The following ABR variants were observed in gnomAD, a reference collection of about 807,000 sequenced individuals.
ABR encodes ABR activator of RhoGEF and GTPase.
In ABR, 35 loss-of-function variants were observed where a neutral mutation model predicts 107.2. The ratio of observed to expected loss-of-function variants is 0.33; its 90% CI spans 0.25 to 0.43. The LOEUF is 0.43. Ranked by LOEUF, ABR falls within the 20% of genes least tolerant of loss-of-function variation. ABR has a pLI of 1.00. For missense variants in ABR, 815 were observed against 1,115.2 expected (o/e 0.73, Z 3.83); for synonymous variants, 498 against 462.0 (o/e 1.08, Z -1.00).
intron 16 of ABR, among the ~76,000 whole-genome samples, chr17:1,025,595 G>A (rs1389005498): frequency 2.6e-5 from 4 of 152,164 alleles, no homozygotes; most frequent in Non-Finnish European, 5.9e-5. Context: ...CACCTGCCTC[G>A]GGGTGTGGAC....
chr17:1,109,406 C>A (rs1393500888), intron 2 of ABR, among the ~76,000 whole-genome samples: 1 of 151,962 alleles, frequency 6.6e-6, no homozygotes, highest in African/African-American at 2.4e-5. Flanking sequence ...TCCCGGGCTC[C>A]GGGGCTCGGG....
intron 1 of ABR, among the ~76,000 whole-genome samples, chr17:1,138,394 C>T (rs146007959): frequency 2.7e-3 from 418 of 152,284 alleles, no homozygotes; most frequent in African/African-American, 9.2e-3. Flanking sequence ...GTGTTAGTTA[C>T]ACAAGCAGAC....
chr17:1,211,032 C>A (rs974052249), intron 1 of ABR, among the ~76,000 whole-genome samples: 2 of 152,226 alleles, frequency 1.3e-5, no homozygotes, highest in Non-Finnish European at 2.9e-5. Context: ...ATAATCCCAG[C>A]ACTTTGGGAG....
At chr17:1,153,765 G>GTCCAGGCACACCTGCGGGAGGGCTAGGGA (rs2040922712) in intron 1 of ABR, 3 of 102,036 alleles carry the variant, frequency 2.9e-5, no homozygotes, top group East Asian at 4.2e-4. Flanking sequence ...AGGGCTGGGG[G>GTCCAGGCACACCTGCGGGAGGGCTAGGGA]TCCAGGCACA....
intron 6 of ABR, chr17:1,079,014 G>C: frequency 6.8e-7 from 1 of 1,460,540 alleles, no homozygotes; most frequent in Non-Finnish European, 9.0e-7. Flanking sequence ...CAAGGGGGAG[G>C]GGAGGGAGGC....
Position 1,009,565 on chromosome 17 carries a change from A to C in ABR, c.2342+114T>G, listed in dbSNP as rs141039217. 1.2e-5 allele frequency: 10 copies of C among 830,348 alleles called. 1 individual carries two copies. The highest frequency in any genetic ancestry group is 7.2e-5 in the African/African-American group (4 of 55,556). The allele number at this position is 830,348 out of a possible 1,614,324, so 51.4% of individuals were successfully genotyped here. A position where few individuals can be genotyped will look rare whatever the true frequency, so the allele number is the denominator to read the frequency against. On this transcript the variant is annotated intron_variant, in intron 21 of 22. Transcript: ENST00000302538. ...GGACTGAGGAGGTGGGGTTGGGGCC[A>C]CTCCCCGTTACCTTTTCACGAGGAG...
Position 1,005,490 on chromosome 17 carries a change from C to T in ABR, c.*590G>A, listed in dbSNP as rs949165149. The T allele has an allele frequency of 5.3e-5, 13 of 244,872 alleles. No homozygotes were observed. In the East Asian group the frequency reaches 9.7e-4, roughly 18 times the overall value. 15.2% of individuals were successfully genotyped at this position (244,872 alleles called of 1,614,324 possible). A position where few individuals can be genotyped will look rare whatever the true frequency, so the allele number is the denominator to read the frequency against. ...GGCCGGCAGCGGCAAACGGCAGCAT[C>T]AAACAGACCACTGCTGCCGCGGCAA... On this transcript the variant is annotated 3_prime_UTR_variant, in exon 23 of 23. Coordinates refer to ENST00000302538, the MANE Select transcript of ABR (RefSeq NM_021962.5).
At chr17:1,102,917 C>G (rs933234039) in intron 2 of ABR, among the ~76,000 whole-genome samples, 1 of 152,092 alleles carries the variant, frequency 6.6e-6, no homozygotes, top group Non-Finnish European at 1.5e-5. Context: ...ACCATGTTGG[C>G]CAGGCTCGTC....
rs1421024806 is a variant in ABR at position 1,200,937 on chromosome 17, T to C, written c.838+27856A>G. ...AGAGACTGGGAGAAAGCCTTGGGGT[T>C]GGCCAGGGACACCCACCTGCCTCAG... On this transcript the variant is annotated intron_variant, in intron 1 of 22. Coordinates refer to the ABR transcript ENST00000574139. The surrounding 1 kb of genome is among the most constrained non-coding windows in gnomAD (Gnocchi z 4.1). Among the ~76,000 whole-genome samples the C allele has an allele frequency of 6.6e-6, 1 of 152,184 alleles. No homozygotes were observed. The highest frequency in any genetic ancestry group is 2.4e-5 in the African/African-American group (1 of 41,452).
chr17:1,105,734 G>A (rs1019573538), intron 2 of ABR, among the ~76,000 whole-genome samples: 33 of 152,122 alleles, frequency 2.2e-4, no homozygotes, highest in African/African-American at 7.0e-4. Context: ...TTAGCCCAAC[G>A]TGGTGGCATG....
chr17:1,139,453 C>T (rs1223701568), intron 1 of ABR, among the ~76,000 whole-genome samples: 2 of 152,126 alleles, frequency 1.3e-5, no homozygotes, highest in East Asian at 1.9e-4. Flanking sequence ...AGGGTTTCAC[C>T]GTGTTAGCCA....
chr17:1,029,219 T>G (rs774072571), intron 16 of ABR, among the ~76,000 whole-genome samples: 1 of 150,900 alleles, frequency 6.6e-6, no homozygotes, highest in Non-Finnish European at 1.5e-5. Flanking sequence ...AGCTAAACAC[T>G]CGCACAAAAA....
upstream of ABR, among the ~76,000 whole-genome samples, chr17:1,191,102 G>T (rs895373535): frequency 6.6e-6 from 1 of 152,176 alleles, no homozygotes; most frequent in Admixed American, 6.5e-5. Context: ...TCTGCTGGGG[G>T]CCTGTGCCCA....
intron 13 of ABR, among the ~76,000 whole-genome samples, chr17:1,056,724 T>C (rs1474550214): frequency 6.6e-6 from 1 of 152,124 alleles, no homozygotes; most frequent in Non-Finnish European, 1.5e-5. Flanking sequence ...GGGTCTGCTC[T>C]CTCATGAATA....
At chr17:1,162,283 C>T (rs367625976) in intron 1 of ABR, among the ~76,000 whole-genome samples, 6 of 152,238 alleles carry the variant, frequency 3.9e-5, no homozygotes, top group African/African-American at 9.6e-5. Flanking sequence ...CCAGGACATA[C>T]GTGGGACAGG....
At chr17:1,072,914 C>G (rs1312421537) in intron 7 of ABR, among the ~76,000 whole-genome samples, 160 bp from the exon 8 acceptor site, 3 of 152,196 alleles carry the variant, frequency 2.0e-5, no homozygotes, top group African/African-American at 7.2e-5. Context: ...GGCACGGCGG[C>G]TCATGCCTGA....
chr17:1,004,798 C>T lies in ABR; in HGVS notation c.*1282G>A, dbSNP rs909951647. The T allele has an allele frequency of 1.9e-5, 7 of 374,086 alleles. No individual in the cohort carries two copies. Among genetic ancestry groups the T allele is most frequent in the African/African-American group, 1.2e-4 (6 of 48,208 alleles). The allele number at this position is 374,086 out of a possible 1,614,324, so 23.2% of individuals were successfully genotyped here. On this transcript the variant is annotated 3_prime_UTR_variant, in exon 23 of 23. Transcript: ENST00000302538. ...GAGTTCCCAGTGTTTACCCAAAAGG[C>T]TGTATCCAGAAGCTGGGGCGGCACC...
intron 6 of ABR, among the ~76,000 whole-genome samples, chr17:1,075,108 C>T (rs2151200944): frequency 6.6e-6 from 1 of 152,362 alleles, no homozygotes; most frequent in South Asian, 2.1e-4. Context: ...CCCTCCACAA[C>T]CCGGACACCA....
intron 16 of ABR, chr17:1,039,514 A>G (rs1412301514): frequency 3.9e-5 from 6 of 152,280 alleles, no homozygotes; most frequent in Admixed American, 2.6e-4. Context: ...CCACTCTCCA[A>G]GGAGAACCAG....
Sources: gnomAD v4.1 joint callset for allele counts (sites outside exome capture counted in the v4.1 genomes callset) on GRCh38, gnomAD v4.1.1 for gene constraint, Gnocchi (gnomAD v3.1) non-coding constraint, MANE v1.5 for transcripts, NCBI Gene and HGNC (gene_info 2026-07-23, HGNC 2026-07-21) for gene names.